The following CD48 variants were observed in gnomAD, a reference collection of about 807,000 sequenced individuals.
CD48 encodes CD48 molecule.
A neutral mutation model predicts 22.0 loss-of-function variants in CD48; 20 were observed. The observed-to-expected ratio is 0.91, with a 90% CI of 0.64 to 1.32. The LOEUF is 1.32. CD48 is among the 40% of genes most tolerant of loss of function. CD48 has a pLI of 0.00. For synonymous variants in CD48, 110 were observed against 110.1 expected, an observed-to-expected ratio of 1.00 and a Z score of 0.01; for missense variants, 307 against 286.5, an observed-to-expected ratio of 1.07 and a Z score of -0.52.
chr1:160,701,183 AATCTT>A (rs1425602608), intron 1 of CD48, among the ~76,000 whole-genome samples: 1 of 142,632 alleles, frequency 7.0e-6, no homozygotes, highest in Non-Finnish European at 1.5e-5. Flanking sequence ...TATAAAAAAA[AATCTT>A]TAAGATCAAT....
intron 1 of CD48, among the ~76,000 whole-genome samples, chr1:160,710,400 G>A (rs1462546508): frequency 6.6e-6 from 1 of 152,056 alleles, no homozygotes; most frequent in Non-Finnish European, 1.5e-5. Flanking sequence ...TATAGCCCGG[G>A]TGTTATAACC....
At chr1:160,695,078 T>A (rs1341121383) in intron 1 of CD48, among the ~76,000 whole-genome samples, 1 of 152,170 alleles carries the variant, frequency 6.6e-6, no homozygotes, top group African/African-American at 2.4e-5. Context: ...CCTTTAATTA[T>A]AATTGATCTA....
intron 1 of CD48, among the ~76,000 whole-genome samples, chr1:160,688,944 T>A (rs1158951575): frequency 6.6e-6 from 1 of 152,208 alleles, no homozygotes; most frequent in East Asian, 1.9e-4. Flanking sequence ...TTTTTTAATA[T>A]TACTGCATGT....
chr1:160,681,870 G>A (rs1417346586), intron 2 of CD48, among the ~76,000 whole-genome samples: 1 of 152,178 alleles, frequency 6.6e-6, no homozygotes, highest in East Asian at 1.9e-4. Context: ...TGGCTGGTCT[G>A]TCTTTCCAAT....
At chr1:160,700,176 G>A (rs511680) in intron 1 of CD48, among the ~76,000 whole-genome samples, 115,497 of 152,136 alleles carry the variant, frequency 0.76, 44,102 homozygotes, top group East Asian at 0.83. Flanking sequence ...ACACTGTAAC[G>A]GCCTCAGGAA....
Position 160,681,435 on chromosome 1 carries a change from T to C in CD48, c.419A>G (p.Lys140Arg). 6.2e-7 allele frequency: 1 copy of C among 1,614,138 alleles called. No homozygotes were observed. Among genetic ancestry groups the C allele is most frequent in the East Asian group, 2.2e-5 (1 of 44,890 alleles). The change falls in exon 3 of 4, where the codon AAG becomes AGG. Residue 140 changes from lysine (K) to arginine (R), a missense_variant. Transcript: ENST00000368046. Reference protein sequence around the residue: ...PVPKPVIKIEKIEDMDDNCYL... With the variant: ...PVPKPVIKIERIEDMDDNCYL... The stretch of plus-strand genomic sequence containing the variant: ...ACAGTTGTCATCCATGTCTTCTATC[T>C]TCTCAATTTTGATGACAGGCTTGGG...
At chr1:160,701,026 C>A (rs540217) in intron 1 of CD48, among the ~76,000 whole-genome samples, 114,981 of 151,466 alleles carry the variant, frequency 0.76, 43,910 homozygotes, top group East Asian at 0.83. Context: ...GGTGAAAGCA[C>A]TTGCCCAACA....
At chr1:160,695,215 C>T (rs1202596859) in intron 1 of CD48, among the ~76,000 whole-genome samples, 3 of 152,306 alleles carry the variant, frequency 2.0e-5, no homozygotes, top group African/African-American at 7.2e-5. Context: ...TCAGGGAATG[C>T]TTAATAGTCC....
At chr1:160,710,135 T>C (rs929991212) in intron 1 of CD48, among the ~76,000 whole-genome samples, 2 of 152,138 alleles carry the variant, frequency 1.3e-5, no homozygotes, top group African/African-American at 2.4e-5. Flanking sequence ...TTTAGACACA[T>C]TGACCTTCAC....
rs143252984 is a variant in CD48, at chr1:160,699,998, G to A, written c.82+11684C>T. On this transcript the variant is annotated intron_variant, in intron 1 of 3. Coordinates refer to ENST00000368046, the MANE Select transcript of CD48 (RefSeq NM_001778.4). ...TATGAGAAACACCCACAGGTGTGGA[G>A]GGGCAACCCACCCCTTCATGAGACA... Among the ~76,000 whole-genome samples the A allele has an allele frequency of 9.1e-3, 1,380 of 152,262 alleles. 21 individuals are homozygous for A. The highest frequency in any genetic ancestry group is 0.032 in the African/African-American group (1,326 of 41,540).
At chr1:160,708,851 G>GGAATGCAGGAA (rs1019651023) in intron 1 of CD48, among the ~76,000 whole-genome samples, 4 of 152,202 alleles carry the variant, frequency 2.6e-5, no homozygotes, top group African/African-American at 7.2e-5. Context: ...TACACCGGAA[G>GGAATGCAGGAA]TGTGACCTGC....
At chr1:160,689,595 T>A (rs1431165333) in intron 1 of CD48, among the ~76,000 whole-genome samples, 3 of 152,116 alleles carry the variant, frequency 2.0e-5, no homozygotes, top group Non-Finnish European at 4.4e-5. Flanking sequence ...TCAGGAGAAG[T>A]GGGATTAGTT....
chr1:160,691,666 T>C (rs1227431468), intron 1 of CD48: 2 of 236,660 alleles, frequency 8.5e-6, no homozygotes, highest in Non-Finnish European at 1.6e-5. Context: ...TTCTCTATAC[T>C]TTGTCTCTGT....
intron 1 of CD48, among the ~76,000 whole-genome samples, chr1:160,706,356 G>C (rs529895546): frequency 1.3e-5 from 2 of 152,246 alleles, no homozygotes; most frequent in South Asian, 4.2e-4. Context: ...TTACAGGTGT[G>C]AACCACCATG....
At chr1:160,703,702 G>C (rs1185506109) in intron 1 of CD48, among the ~76,000 whole-genome samples, 1 of 152,188 alleles carries the variant, frequency 6.6e-6, no homozygotes, top group Non-Finnish European at 1.5e-5. Flanking sequence ...GGTAAGGGGA[G>C]TCACAAGTAC....
At chr1:160,681,123 A>G (rs4656926) in intron 3 of CD48, 79 bp downstream of exon 3, 1,560,841 of 1,608,266 alleles carry the variant, frequency 0.97, 768,074 homozygotes, top group East Asian at 1. Flanking sequence ...AGGAGGCTGA[A>G]TAGGACCCCC....
At chr1:160,691,339 A>G (rs960946905) in intron 1 of CD48, among the ~76,000 whole-genome samples, 2 of 152,200 alleles carry the variant, frequency 1.3e-5, no homozygotes, top group African/African-American at 4.8e-5. Context: ...TGTACGTTCC[A>G]CCTACTGAGA....
chr1:160,681,053 G>A lies in CD48; in HGVS notation c.652+149C>T, dbSNP rs780938768. Reference sequence around the variant, plus strand: ...CTGGGAGGTGGTGGTAGAGCTGGTGGCAGAACCCACGTCTCCCAGCTCTCC... The same window carrying A: ...CTGGGAGGTGGTGGTAGAGCTGGTGACAGAACCCACGTCTCCCAGCTCTCC... On this transcript the variant is annotated intron_variant, in intron 3 of 3. Transcript: ENST00000368046. 8.6e-6 allele frequency: 13 copies of A among 1,505,298 alleles called. No homozygotes were observed. The East Asian group carries it at 3.2e-4, about 37-fold the overall frequency. The allele number at this position is 1,505,298 out of a possible 1,614,324, so 93.2% of individuals were successfully genotyped here.
At chr1:160,685,212 G>C (rs1198630230) in intron 1 of CD48, 23 bp from the exon 2 acceptor site, 1 of 1,581,706 alleles carries the variant, frequency 6.3e-7, no homozygotes, top group East Asian at 2.2e-5. Flanking sequence ...TTCAGAGTGA[G>C]ACCTGCGCTA....
Sources: allele counts gnomAD v4.1 joint callset (sites outside exome capture counted in the v4.1 genomes callset), GRCh38; gene constraint gnomAD v4.1.1; transcripts MANE v1.5; gene names NCBI Gene and HGNC (gene_info 2026-07-23, HGNC 2026-07-21).